Variants in CYFIP2 observed in about 807,000 individuals in gnomAD.
CYFIP2 encodes the protein cytoplasmic FMR1 interacting protein 2, also known as cytoplasmic FMR1-interacting protein 2.
Under a neutral mutation model 158.7 loss-of-function variants are expected in CYFIP2, and 29 were observed. The observed-to-expected ratio is 0.18, with a 90% CI of 0.14 to 0.25. CYFIP2 has a LOEUF of 0.25. Ranked by LOEUF, CYFIP2 falls within the 10% of genes least tolerant of loss-of-function variation. The probability of loss-of-function intolerance (pLI) is 1.00; values close to 1 mark genes in which losing one functional copy is unlikely to be tolerated. For synonymous variants in CYFIP2, 585 were observed against 617.6 expected (o/e 0.95, Z 0.78); for missense variants, 852 against 1,639.5 (o/e 0.52, Z 8.29).
chr5:157,374,550 C>T (rs1765284465), intron 26 of CYFIP2, among the ~76,000 whole-genome samples: 1 of 152,108 alleles, frequency 6.6e-6, no homozygotes, highest in Admixed American at 6.5e-5. Context: ...TGATCTGAGA[C>T]CCCTGGAAAC....
intron 8 of CYFIP2, among the ~76,000 whole-genome samples, chr5:157,306,480 A>T (rs1013888884): frequency 6.6e-6 from 1 of 152,134 alleles, no homozygotes. Flanking sequence ...ACCCTCTTCA[A>T]TCTGGCCTTC....
rs775365750 is a variant in CYFIP2 at position 157,304,261 on chromosome 5, G to T, written c.690G>T (p.Val230=). ...AGTGTCTCCACCAGCAACTTGAAGT[G>T]ATCCCAGGCTATGAGGAGCTGCTGG... is the stretch of plus-strand genomic sequence containing the variant. The part of the protein sequence containing the change: ...ITQCLHQQLE[V]IPGYEELLAD... The change falls in exon 8 of 31, where the codon GTG becomes GTT. Residue 230 remains valine, a synonymous_variant. Transcript: ENST00000620254. The T allele has an allele frequency of 6.8e-6, 11 of 1,613,164 alleles. No individual in the cohort carries two copies. Among genetic ancestry groups the T allele is most frequent in the Middle Eastern group, 3.6e-4 (2 of 5,538 alleles).
chr5:157,285,319 C>T lies in CYFIP2; in HGVS notation c.-23-20C>T. On this transcript the variant is annotated intron_variant, in intron 1 of 30. Transcript: ENST00000620254. ...GAGGCCCCTGAAATTCTCCACTGACCTTCTCTTCCTTCCCTTCAGTGCAGA... is the reference window on the plus strand; with the variant it reads ...GAGGCCCCTGAAATTCTCCACTGACTTTCTCTTCCTTCCCTTCAGTGCAGA... 1 of 1,504,550 alleles carries T rather than the reference C, an allele frequency of 6.6e-7. No homozygotes were observed. The highest frequency in any genetic ancestry group is 9.1e-7 in the Non-Finnish European group (1 of 1,104,082). 93.2% of individuals were successfully genotyped at this position (1,504,550 alleles called of 1,614,324 possible).
intron 1 of CYFIP2, among the ~76,000 whole-genome samples, chr5:157,270,596 A>G (rs1199389458): frequency 6.6e-6 from 1 of 152,244 alleles, no homozygotes; most frequent in South Asian, 2.1e-4. Flanking sequence ...GAATGGCAAG[A>G]TAAGAATTCA....
intron 21 of CYFIP2, among the ~76,000 whole-genome samples, chr5:157,333,976 C>T (rs1489771873): frequency 1.3e-5 from 2 of 152,216 alleles, no homozygotes; most frequent in Non-Finnish European, 2.9e-5. Context: ...GCAATTAAAA[C>T]GACTCTCTGC....
intron 23 of CYFIP2, chr5:157,342,444 C>T (rs1054079893): frequency 9.4e-5 from 15 of 160,392 alleles, no homozygotes; most frequent in African/African-American, 3.3e-4. Flanking sequence ...AAATAATCCC[C>T]TCAAGGGCAG....
chr5:157,368,685 AACATATCAGG>A (rs1764666674), intron 26 of CYFIP2, among the ~76,000 whole-genome samples: 1 of 152,110 alleles, frequency 6.6e-6, no homozygotes, highest in Non-Finnish European at 1.5e-5. Flanking sequence ...TGCTAGTGTG[AACATATCAGG>A]ACTTGGGAAA....
In CYFIP2 at chr5:157,335,501, C is replaced by T. The variant is rs544428441; in HGVS notation, c.2385+2055C>T. On this transcript the variant is annotated intron_variant, in intron 21 of 30. Transcript: ENST00000620254. ...CTATGTTGGCCAGGCTGGTCTCAAG[C>T]TCCTGACCTCGTGATCTGCCTGCCT... is the stretch of plus-strand genomic sequence containing the variant. 1.5e-4 allele frequency among the ~76,000 whole-genome samples: 23 copies of T among 152,334 alleles called. No homozygotes were observed. The East Asian group carries it at 4.2e-3, about 28-fold the overall frequency.
At chr5:157,377,071 C>A (rs926506696) in intron 26 of CYFIP2, 8 of 322,138 alleles carry the variant, frequency 2.5e-5, no homozygotes, top group Non-Finnish European at 5.0e-5. Flanking sequence ...TCACTTCCTT[C>A]TATCTCCTTT....
At chr5:157,345,532 A>T (rs574190069) in intron 23 of CYFIP2, 1 of 152,682 alleles carries the variant, frequency 6.5e-6, no homozygotes, top group African/African-American at 2.4e-5. Flanking sequence ...AGCCATCTAT[A>T]TGTCTTACCT....
chr5:157,270,530 A>G (rs1252327840), intron 1 of CYFIP2, among the ~76,000 whole-genome samples: 3 of 152,212 alleles, frequency 2.0e-5, no homozygotes, highest in Admixed American at 6.5e-5. Flanking sequence ...TCCGAGAACT[A>G]TTTTTGATTT....
intron 1 of CYFIP2, among the ~76,000 whole-genome samples, chr5:157,270,794 A>C (rs1331314949): frequency 6.6e-6 from 1 of 152,238 alleles, no homozygotes; most frequent in East Asian, 1.9e-4. Flanking sequence ...ATGATATTTT[A>C]ACTTTCTTGT....
At chr5:157,356,574 C>T (rs1314315813) in intron 23 of CYFIP2, among the ~76,000 whole-genome samples, 2 of 152,112 alleles carry the variant, frequency 1.3e-5, no homozygotes, top group Non-Finnish European at 2.9e-5. Context: ...AGGAAGTCCT[C>T]TCATGCCCCT....
intron 11 of CYFIP2, 69 bp from the exon 12 acceptor site, chr5:157,314,275 G>T: frequency 6.4e-7 from 1 of 1,559,144 alleles, no homozygotes. Context: ...GTTCTTGGGG[G>T]AATCAATGAG....
At chr5:157,312,768 A>G (rs907586247) in intron 11 of CYFIP2, among the ~76,000 whole-genome samples, 1 of 152,284 alleles carries the variant, frequency 6.6e-6, no homozygotes, top group Non-Finnish European at 1.5e-5. Context: ...CACAGGGACC[A>G]AGGTCAAGCC....
In CYFIP2 at chr5:157,360,763, T is replaced by C. The variant is rs1010289101; in HGVS notation, c.2908+391T>C. Among the ~76,000 whole-genome samples, 6 of 152,200 alleles carry C rather than the reference T, an allele frequency of 3.9e-5. No individual in the cohort carries two copies. In the East Asian group the frequency reaches 9.6e-4, roughly 24 times the overall value. On this transcript the variant is annotated intron_variant, in intron 25 of 30. Transcript: ENST00000620254. ...TGGTGCCAAGTTGACACATCTAAGATAAGTCAGGAAATGGACATCTTTGCT... is the reference window on the plus strand; with the variant it reads ...TGGTGCCAAGTTGACACATCTAAGACAAGTCAGGAAATGGACATCTTTGCT...
chr5:157,392,861 G>A lies in CYFIP2; in HGVS notation c.3623G>A (p.Arg1208Lys). Residue 1208 changes from arginine to lysine, a missense_variant, in exon 31 of 31, where the codon AGG becomes AAG. Physicochemically the swap from Arg to Lys is conservative, Grantham distance 26. Transcript: ENST00000620254. ...CTGAAGAAGATGGCCGACCGGATCA[G>A]GAAGTATCAGATCTTGAACAATGAG... ...VPLKKMADRI[R>K]KYQILNNEVF... is the part of the protein sequence containing the mutation. 1 of 1,613,950 alleles carries A rather than the reference G, an allele frequency of 6.2e-7. No homozygotes were observed. Among genetic ancestry groups the A allele is most frequent in the Non-Finnish European group, 8.5e-7 (1 of 1,179,876 alleles).
intron 3 of CYFIP2, among the ~76,000 whole-genome samples, chr5:157,293,871 G>A (rs917351122): frequency 1.3e-5 from 2 of 152,144 alleles, no homozygotes; most frequent in African/African-American, 4.8e-5. Context: ...TGGGGCTAGG[G>A]AATGGGTGCT....
chr5:157,329,320 A>G (rs1761265993), intron 19 of CYFIP2, among the ~76,000 whole-genome samples: 1 of 152,236 alleles, frequency 6.6e-6, no homozygotes, highest in African/African-American at 2.4e-5. Context: ...GACAATTCTG[A>G]TTCCAAATAC....
Sources: gnomAD v4.1 joint callset for allele counts (sites outside exome capture counted in the v4.1 genomes callset) on GRCh38, gnomAD v4.1.1 for gene constraint, MANE v1.5 for transcripts, NCBI Gene and HGNC (gene_info 2026-07-23, HGNC 2026-07-21) for gene names.